Variants in GLI3 observed in about 807,000 individuals in gnomAD.
GLI3 encodes the protein transcription activator GLI3.
GLI3 carries 20 observed loss-of-function variants against 100.8 expected under a neutral mutation model. The ratio of observed to expected loss-of-function variants is 0.20; its 90% CI spans 0.14 to 0.29. GLI3 has a LOEUF of 0.29. GLI3 is among the 10% of genes least tolerant of loss of function. GLI3 has a pLI of 1.00. For synonymous variants in GLI3, 938 were observed against 860.5 expected, an observed-to-expected ratio of 1.09 and a Z score of -1.58; for missense variants, 2,040 against 2,128.5, an observed-to-expected ratio of 0.96 and a Z score of 0.82.
Position 42,091,676 on chromosome 7 carries a change from T to C in GLI3, c.368-14819A>G, listed in dbSNP as rs553265666. On this transcript the variant is annotated intron_variant, in intron 3 of 14. Transcript: ENST00000395925. The stretch of plus-strand genomic sequence containing the variant: ...ATCCAGCCGCTCTCTTCTCCCCTCG[T>C]GGCTGCTACAGAGGAATTCCCAGGC... Among the ~76,000 whole-genome samples the C allele has an allele frequency of 7.2e-5, 11 of 152,342 alleles. No individual in the cohort carries two copies. In the South Asian group the frequency reaches 1.9e-3, roughly 26 times the overall value.
At position 41,977,546 on chromosome 7, in the gene GLI3, G is replaced by A. The variant is rs745418228; in HGVS notation, c.1812+12C>T. ...TCCTTATGCAAGCTCCATGCCCACT[G>A]AGGATGCTTACCTCATTGGAATGCG... On this transcript the variant is annotated intron_variant, in intron 12 of 14. Coordinates refer to ENST00000395925, the MANE Select transcript of GLI3 (RefSeq NM_000168.6). The A allele has an allele frequency of 6.2e-7, 1 of 1,613,662 alleles. No individual in the cohort carries two copies. The highest frequency in any genetic ancestry group is 8.5e-7 in the Non-Finnish European group (1 of 1,179,652).
At position 41,966,675 on chromosome 7, in the gene GLI3, A is replaced by T. The variant is rs757219334; in HGVS notation, c.2432-34T>A. ...AGAGAAAGGGAGAGACCATGCGGAG[A>T]TGAATTCCCTTCGAGCATGACTTAC... On this transcript the variant is annotated intron_variant, in intron 14 of 14. Transcript: ENST00000395925. This position sits in a 1 kb window ranked among gnomAD's most constrained non-coding sequence, Gnocchi z 5.8. 1 of 1,611,010 alleles carries T rather than the reference A, an allele frequency of 6.2e-7. No homozygotes were observed. Among genetic ancestry groups the T allele is most frequent in the Non-Finnish European group, 8.5e-7 (1 of 1,177,806 alleles).
At chr7:42,198,762 A>G (rs1787979391) in intron 2 of GLI3, among the ~76,000 whole-genome samples, 1 of 152,042 alleles carries the variant, frequency 6.6e-6, no homozygotes, top group South Asian at 2.1e-4. Context: ...GCATATGCAC[A>G]CACACACATA....
intron 10 of GLI3, among the ~76,000 whole-genome samples, chr7:41,984,151 A>G (rs1343701099): frequency 6.6e-6 from 1 of 152,196 alleles, no homozygotes; most frequent in African/African-American, 2.4e-5. Flanking sequence ...AGCTACAGGA[A>G]GAAATGGGAA....
chr7:42,105,584 T>G (rs1785555552), intron 3 of GLI3, among the ~76,000 whole-genome samples: 1 of 152,076 alleles, frequency 6.6e-6, no homozygotes, highest in South Asian at 2.1e-4. Flanking sequence ...GAAGATAATA[T>G]GTACTTAAGT....
chr7:42,201,911 G>A (rs1297742217), intron 2 of GLI3, among the ~76,000 whole-genome samples: 1 of 151,928 alleles, frequency 6.6e-6, no homozygotes, highest in Non-Finnish European at 1.5e-5. Flanking sequence ...GTGAAACCCT[G>A]TCTCTACTAA....
chr7:41,967,512 T>G (rs953060816), intron 14 of GLI3, 84 bp downstream of exon 14: 1 of 947,346 alleles, frequency 1.1e-6, no homozygotes, highest in Non-Finnish European at 1.7e-6. Context: ...GTGGAGAAAC[T>G]AGCAAACATA....
chr7:42,168,404 G>C (rs968984787), intron 2 of GLI3, among the ~76,000 whole-genome samples: 1 of 152,170 alleles, frequency 6.6e-6, no homozygotes, highest in African/African-American at 2.4e-5. Context: ...ACATGTAGCA[G>C]AATATTCACA....
intron 10 of GLI3, among the ~76,000 whole-genome samples, chr7:42,000,428 T>C (rs181896251): frequency 6.6e-6 from 1 of 152,282 alleles, no homozygotes; most frequent in African/African-American, 2.4e-5. Flanking sequence ...TAGGAAATGT[T>C]CCAATATGGA....
intron 2 of GLI3, among the ~76,000 whole-genome samples, chr7:42,174,729 C>T (rs1360942751): frequency 2.0e-5 from 3 of 152,174 alleles, no homozygotes; most frequent in Non-Finnish European, 2.9e-5. Flanking sequence ...TGTTCATCAA[C>T]CGCCCCCCAG....
rs185937997 is a variant in GLI3, at chr7:42,144,400, C to T, written c.367+3826G>A. 2.8e-4 allele frequency among the ~76,000 whole-genome samples: 43 copies of T among 152,276 alleles called. No individual in the cohort carries two copies. The East Asian group carries it at 6.0e-3, about 21-fold the overall frequency. On this transcript the variant is annotated intron_variant, in intron 3 of 14. Transcript: ENST00000395925. ...CCATGTCTGAGTCATGCATCTAAAA[C>T]GTCTACTTTTGCGCCTTGATATACA...
chr7:42,186,909 G>T (rs56659154), intron 2 of GLI3, among the ~76,000 whole-genome samples: 11,302 of 152,104 alleles, frequency 0.074, 1,416 homozygotes, highest in African/African-American at 0.26. Context: ...TGACAAAATA[G>T]CATTAAAAAT....
intron 3 of GLI3, among the ~76,000 whole-genome samples, chr7:42,129,684 G>A (rs765982780): frequency 4.6e-5 from 7 of 152,094 alleles, no homozygotes; most frequent in African/African-American, 1.2e-4. Flanking sequence ...GGTGGCGGGC[G>A]CCTGTAATCT....
intron 10 of GLI3, among the ~76,000 whole-genome samples, chr7:41,999,141 T>C (rs1039458328): frequency 4.6e-5 from 7 of 152,188 alleles, no homozygotes; most frequent in African/African-American, 1.7e-4. Flanking sequence ...GATAGGAAGT[T>C]ATCATCAATA....
rs79093016 is a variant in GLI3 at position 42,243,650 on chromosome 7, G to A, written c.-43+20344C>T. On this transcript the variant is annotated intron_variant, in intron 1 of 2. Transcript: ENST00000678978. ...AAATAAAGGAGTGGATCTACTATCC[G>A]GATTAGTAGATGCCAAGGAAAGCAA... Among the ~76,000 whole-genome samples, 375 of 152,254 alleles carry A rather than the reference G, an allele frequency of 2.5e-3. 2 individuals carry two copies. Among genetic ancestry groups the A allele is most frequent in the African/African-American group, 8.5e-3 (355 of 41,560 alleles).
intron 3 of GLI3, among the ~76,000 whole-genome samples, chr7:42,135,584 AT>A (rs1351340954): frequency 6.6e-6 from 1 of 152,128 alleles, no homozygotes; most frequent in African/African-American, 2.4e-5. Context: ...GTTTTCACAG[AT>A]TTTCTACTCA....
intron 2 of GLI3, among the ~76,000 whole-genome samples, chr7:42,210,470 CCACCACCAACCT>C (rs1177341561): frequency 1.3e-5 from 2 of 151,626 alleles, no homozygotes; most frequent in African/African-American, 4.9e-5. Context: ...CACTTTCTCC[CCACCACCAACCT>C]CCCTGCCCCC....
At chr7:41,968,830 C>A (rs11977201) in intron 13 of GLI3, among the ~76,000 whole-genome samples, 7,398 of 151,972 alleles carry the variant, frequency 0.049, 274 homozygotes, top group African/African-American at 0.094. Context: ...CGTCATGAGT[C>A]TGTAGAATGA....
chr7:42,139,336 C>G (rs1786509449), intron 3 of GLI3, among the ~76,000 whole-genome samples: 1 of 152,158 alleles, frequency 6.6e-6, no homozygotes, highest in African/African-American at 2.4e-5. Flanking sequence ...TACAGAGCAG[C>G]TCAGCAGTTG....
Sources: allele counts gnomAD v4.1 joint callset (sites outside exome capture counted in the v4.1 genomes callset), GRCh38; gene constraint gnomAD v4.1.1; non-coding constraint Gnocchi (gnomAD v3.1); transcripts MANE v1.5; gene names NCBI Gene and HGNC (gene_info 2026-07-23, HGNC 2026-07-21).